Variants in ODAD2 observed in about 807,000 individuals in gnomAD.
The protein encoded by ODAD2 is outer dynein arm-docking complex subunit 2.
ODAD2 carries 89 observed loss-of-function variants against 106.8 expected under a neutral mutation model. The ratio of observed to expected loss-of-function variants is 0.83; its 90% CI spans 0.70 to 0.99. The LOEUF is 0.99. Ranked by LOEUF, ODAD2 falls within the 50% of genes least tolerant of loss-of-function variation. The probability of loss-of-function intolerance (pLI) is 0.00; values close to 1 mark genes in which losing one functional copy is unlikely to be tolerated. For missense variants in ODAD2, 1,168 were observed against 1,238.5 expected (o/e 0.94, Z 0.85); for synonymous variants, 404 against 436.2 (o/e 0.93, Z 0.92).
At chr10:27,844,867 C>T (rs748558108) in intron 19 of ODAD2, among the ~76,000 whole-genome samples, 6 of 152,048 alleles carry the variant, frequency 3.9e-5, no homozygotes, top group African/African-American at 7.2e-5. Flanking sequence ...GGGGTGGTGG[C>T]GAAGGAGTTG....
At chr10:27,848,379 C>G (rs186399481) in intron 19 of ODAD2, among the ~76,000 whole-genome samples, 6 of 152,300 alleles carry the variant, frequency 3.9e-5, no homozygotes, top group South Asian at 4.1e-4. Context: ...ATGTAGGAAG[C>G]TGAAACTGGA....
intron 19 of ODAD2, among the ~76,000 whole-genome samples, chr10:27,837,519 T>C (rs1305832522): frequency 1.3e-5 from 2 of 152,176 alleles, no homozygotes; most frequent in African/African-American, 4.8e-5. Context: ...TTTTCAGTCA[T>C]TAGTGTGTAT....
At chr10:27,823,253 A>C (rs1259577118) in intron 19 of ODAD2, among the ~76,000 whole-genome samples, 1 of 152,224 alleles carries the variant, frequency 6.6e-6, no homozygotes, top group East Asian at 1.9e-4. Context: ...CCTACATAAG[A>C]ATGCTAAAGA....
At chr10:27,970,134 A>AAATAAATAAATAAATG (rs1554822470) in intron 8 of ODAD2, among the ~76,000 whole-genome samples, 48 of 147,260 alleles carry the variant, frequency 3.3e-4, no homozygotes, top group South Asian at 8.4e-4. Context: ...ATAAATAAAT[A>AAATAAATAAATAAATG]AATAAATAAA....
At chr10:27,839,748 A>T (rs1158263098) in intron 19 of ODAD2, among the ~76,000 whole-genome samples, 1 of 152,184 alleles carries the variant, frequency 6.6e-6, no homozygotes, top group Non-Finnish European at 1.5e-5. Flanking sequence ...AAAATCCCCA[A>T]ACCAACATGG....
chr10:27,837,340 C>T (rs190649161), intron 19 of ODAD2, among the ~76,000 whole-genome samples: 84 of 152,302 alleles, frequency 5.5e-4, no homozygotes, highest in African/African-American at 2.0e-3. Context: ...TTTGTTTTTA[C>T]TTCTCTGTAT....
chr10:27,817,727 C>A (rs1387940570), intron 19 of ODAD2, among the ~76,000 whole-genome samples: 1 of 151,964 alleles, frequency 6.6e-6, no homozygotes, highest in Non-Finnish European at 1.5e-5. Context: ...TTTAAAAATC[C>A]AATACTCTAT....
At chr10:27,867,596 A>G (rs1480969046) in intron 17 of ODAD2, among the ~76,000 whole-genome samples, 1 of 152,206 alleles carries the variant, frequency 6.6e-6, no homozygotes, top group Non-Finnish European at 1.5e-5. Context: ...TCAAGAAAGT[A>G]GCAGTGCCAT....
Position 27,891,932 on chromosome 10 carries a change from T to C in ODAD2, c.2610+15731A>G, listed in dbSNP as rs146898926. The stretch of plus-strand genomic sequence containing the variant: ...GAGTAGACTTTCTGCAGCAGACAGT[T>C]TTGCTTCTTAAGAACAAAGAATTTA... On this transcript the variant is annotated intron_variant, in intron 17 of 19. Coordinates refer to ENST00000305242, the MANE Select transcript of ODAD2 (RefSeq NM_018076.5). 5.6e-4 allele frequency among the ~76,000 whole-genome samples: 71 copies of C among 126,984 alleles called. 2 individuals carry two copies. In the East Asian group the frequency reaches 0.011, roughly 19 times the overall value. The allele number at this position is 126,984 out of a possible 152,430, so 83.3% of individuals were successfully genotyped here. A position where few individuals can be genotyped will look rare whatever the true frequency, so the allele number is the denominator to read the frequency against.
At chr10:27,974,771 G>T (rs1236481135) in intron 7 of ODAD2, among the ~76,000 whole-genome samples, 2 of 145,922 alleles carry the variant, frequency 1.4e-5, no homozygotes, top group African/African-American at 5.1e-5. Context: ...TTCTAGTTCT[G>T]TGAAGAATGT....
At chr10:27,872,839 A>G (rs1270065880) in intron 17 of ODAD2, among the ~76,000 whole-genome samples, 1 of 152,112 alleles carries the variant, frequency 6.6e-6, no homozygotes, top group African/African-American at 2.4e-5. Context: ...TGTCTCTGCC[A>G]GGCTTTGGTA....
intron 14 of ODAD2, among the ~76,000 whole-genome samples, chr10:27,939,395 T>C: frequency 7.4e-6 from 1 of 134,402 alleles, no homozygotes; most frequent in South Asian, 2.6e-4. Flanking sequence ...TTCTTAGACC[T>C]GTCTATGAAA....
intron 16 of ODAD2, 55 bp downstream of exon 16, chr10:27,934,955 C>A (rs917132329): frequency 6.3e-6 from 10 of 1,593,396 alleles, no homozygotes; most frequent in Admixed American, 1.7e-5. Context: ...CTGTGACCTC[C>A]CAAGTGTTCT....
At chr10:27,854,926 A>C (rs552510581) in intron 19 of ODAD2, among the ~76,000 whole-genome samples, 2 of 152,324 alleles carry the variant, frequency 1.3e-5, no homozygotes, top group African/African-American at 4.8e-5. Flanking sequence ...CCAAGTACTT[A>C]CTGTAGGAAC....
chr10:27,913,874 C>T (rs1251072380), intron 16 of ODAD2, among the ~76,000 whole-genome samples: 1 of 152,146 alleles, frequency 6.6e-6, no homozygotes, highest in Non-Finnish European at 1.5e-5. Context: ...AAAGCTTGTA[C>T]ACTGCTGGTA....
chr10:27,812,922 C>T (rs747499395), intron 19 of ODAD2, among the ~76,000 whole-genome samples: 1 of 152,130 alleles, frequency 6.6e-6, no homozygotes, highest in Non-Finnish European at 1.5e-5. Context: ...TCTTTTCTGT[C>T]TTTTCCACCT....
At chr10:27,956,057 T>A (rs1847707141) in intron 10 of ODAD2, among the ~76,000 whole-genome samples, 1 of 152,114 alleles carries the variant, frequency 6.6e-6, no homozygotes, top group Non-Finnish European at 1.5e-5. Context: ...GTCTGGCTCA[T>A]GTGAAAGGTG....
chr10:27,859,971 C>A (rs558510155), intron 19 of ODAD2, among the ~76,000 whole-genome samples: 41 of 152,280 alleles, frequency 2.7e-4, no homozygotes, highest in South Asian at 1.7e-3. Flanking sequence ...TTGCCTCTAT[C>A]CTTTATTATT....
intron 1 of ODAD2, chr10:27,997,633 A>G (rs138232654): frequency 2.0e-5 from 3 of 152,216 alleles, no homozygotes; most frequent in Non-Finnish European, 4.4e-5. Context: ...GTAGCAATGC[A>G]CAAGTTTTAT....
Sources: gnomAD v4.1 joint callset for allele counts (sites outside exome capture counted in the v4.1 genomes callset) on GRCh38, gnomAD v4.1.1 for gene constraint, MANE v1.5 for transcripts, NCBI Gene and HGNC (gene_info 2026-07-23, HGNC 2026-07-21) for gene names.